Variants in SYT1 observed in about 807,000 individuals in gnomAD.
SYT1 encodes the protein synaptotagmin-1.
SYT1 carries 8 observed loss-of-function variants against 44.8 expected under a neutral mutation model. That is an observed-to-expected ratio of 0.18 (90% CI 0.10 to 0.32). SYT1 has a LOEUF of 0.32. Ranked by LOEUF, SYT1 falls within the 10% of genes least tolerant of loss-of-function variation. The pLI is 1.00. For synonymous variants in SYT1, 154 were observed against 188.8 expected, an observed-to-expected ratio of 0.82 and a Z score of 1.51; for missense variants, 286 against 509.3, an observed-to-expected ratio of 0.56 and a Z score of 4.22.
intron 1 of SYT1, among the ~76,000 whole-genome samples, chr12:78,876,780 T>TTATATGTATTA (rs1565697556): frequency 6.3e-5 from 3 of 47,532 alleles, no homozygotes; most frequent in African/African-American, 2.5e-4. Context: ...TATTTATATA[T>TTATATGTATTA]TATATAATAC....
At chr12:79,217,815 T>C (rs1874908336) in intron 4 of SYT1, 130 bp downstream of exon 4, 6 of 603,498 alleles carry the variant, frequency 9.9e-6, no homozygotes, top group Non-Finnish European at 1.5e-5. Context: ...GGAATGATAG[T>C]ATCCCAATAT....
In SYT1 at chr12:79,205,528, AT is replaced by A. The variant is rs1874071384; in HGVS notation, c.-17-11973del. 3.3e-5 allele frequency among the ~76,000 whole-genome samples: 5 copies of A among 152,336 alleles called. No homozygotes were observed. The South Asian group carries it at 1.0e-3, about 32-fold the overall frequency. ...AAAACAATGTTAAACTTGTGAATTC[AT>A]TAATGAATACGTTTTTAGTTACAAT... On this transcript the variant is annotated intron_variant, in intron 3 of 10. Coordinates refer to ENST00000261205, the MANE Select transcript of SYT1 (RefSeq NM_005639.3).
chr12:79,125,036 GT>G (rs1291423481), intron 3 of SYT1, among the ~76,000 whole-genome samples: 1 of 151,998 alleles, frequency 6.6e-6, no homozygotes, highest in Non-Finnish European at 1.5e-5. Context: ...GTTTGGTTTG[GT>G]TTGGTTTGAT....
In SYT1 at chr12:79,223,718, G is replaced by A. The variant is rs936760550; in HGVS notation, c.166+6033G>A. ...CCAGTGGCGATACATACCAGAGATC[G>A]AGTTTGCCATACGAGCCTGAAGCCT... On this transcript the variant is annotated intron_variant, in intron 4 of 10. Coordinates refer to ENST00000261205, the MANE Select transcript of SYT1 (RefSeq NM_005639.3). Among the ~76,000 whole-genome samples, 5 of 152,258 alleles carry A rather than the reference G, an allele frequency of 3.3e-5. No individual in the cohort carries two copies. The South Asian group carries it at 6.2e-4, about 19-fold the overall frequency.
In SYT1 at chr12:79,262,498, T is replaced by C. The variant is rs1877888316; in HGVS notation, c.167-23289T>C. Among the ~76,000 whole-genome samples, 4 of 152,328 alleles carry C rather than the reference T, an allele frequency of 2.6e-5. No homozygotes were observed. In the South Asian group the frequency reaches 8.3e-4, roughly 32 times the overall value. ...CCCCTTGTCCAACTCTATAAATTAC[T>C]AGAAGTTTCTGGAAGTGTGTACATC... is the stretch of plus-strand genomic sequence containing the variant. On this transcript the variant is annotated intron_variant, in intron 4 of 10. Transcript: ENST00000261205.
intron 2 of SYT1, among the ~76,000 whole-genome samples, chr12:78,989,861 A>C (rs1185123542): frequency 6.6e-6 from 1 of 152,102 alleles, no homozygotes; most frequent in Non-Finnish European, 1.5e-5. Context: ...GATTTTATTT[A>C]AAATCAGGAC....
intron 3 of SYT1, among the ~76,000 whole-genome samples, chr12:79,095,321 C>A (rs1878052843): frequency 6.6e-6 from 1 of 151,610 alleles, no homozygotes; most frequent in Non-Finnish European, 1.5e-5. Context: ...ACTTTGGAGC[C>A]CAGAGATCCA....
chr12:79,445,990 CATAT>C (rs59721146), intron 10 of SYT1, among the ~76,000 whole-genome samples: 3,051 of 43,896 alleles, frequency 0.07, 71 homozygotes, highest in Middle Eastern at 0.11. Flanking sequence ...AATCCAAAGA[CATAT>C]ATATATATAT....
At chr12:79,124,042 C>T (rs1333434292) in intron 3 of SYT1, among the ~76,000 whole-genome samples, 1 of 152,188 alleles carries the variant, frequency 6.6e-6, no homozygotes, top group Non-Finnish European at 1.5e-5. Context: ...CTGCATCTAA[C>T]TATTCAATGT....
chr12:78,964,652 T>C (rs529159217), intron 1 of SYT1, among the ~76,000 whole-genome samples: 2 of 152,308 alleles, frequency 1.3e-5, no homozygotes, highest in South Asian at 2.1e-4. Context: ...CATACAAAGA[T>C]ACTAAAGTTT....
At chr12:79,179,221 T>C (rs62647615) in intron 3 of SYT1, among the ~76,000 whole-genome samples, 9 of 10,526 alleles carry the variant, frequency 8.6e-4, no homozygotes, top group Non-Finnish European at 1.5e-3. Flanking sequence ...TATAGATATA[T>C]AGATATAGAT....
intron 2 of SYT1, among the ~76,000 whole-genome samples, chr12:79,001,693 C>T (rs1298997217): frequency 6.6e-6 from 1 of 152,124 alleles, no homozygotes; most frequent in Non-Finnish European, 1.5e-5. Flanking sequence ...TTCTTAGTGT[C>T]AGTGATGCAT....
intron 2 of SYT1, among the ~76,000 whole-genome samples, chr12:78,983,838 A>G (rs993855394): frequency 3.3e-5 from 5 of 152,046 alleles, no homozygotes; most frequent in African/African-American, 1.2e-4. Flanking sequence ...AGGCAGTGTA[A>G]AGTTTCTATA....
intron 3 of SYT1, among the ~76,000 whole-genome samples, chr12:79,137,647 C>T (rs1464896535): frequency 9.9e-5 from 15 of 152,098 alleles, no homozygotes. Context: ...AAAAATTAAA[C>T]TATAAGTATA....
intron 8 of SYT1, among the ~76,000 whole-genome samples, chr12:79,328,803 G>A (rs1047237679): frequency 3.4e-5 from 5 of 148,776 alleles, no homozygotes; most frequent in Admixed American, 6.8e-5. Context: ...CCAAGATCAC[G>A]CCATAGCACT....
intron 10 of SYT1, among the ~76,000 whole-genome samples, chr12:79,444,548 A>C (rs1870601488): frequency 6.6e-6 from 1 of 152,212 alleles, no homozygotes; most frequent in African/African-American, 2.4e-5. Flanking sequence ...CCCAGGCCAT[A>C]AATAAGTCTC....
chr12:79,319,813 C>T (rs1421556719), intron 8 of SYT1, among the ~76,000 whole-genome samples: 1 of 152,214 alleles, frequency 6.6e-6, no homozygotes, highest in East Asian at 1.9e-4. Context: ...TTCCATTCCA[C>T]AATAGTGCAA....
At chr12:79,310,494 A>G (rs1159662500) in intron 8 of SYT1, among the ~76,000 whole-genome samples, 6 of 152,050 alleles carry the variant, frequency 3.9e-5, no homozygotes, top group Non-Finnish European at 5.9e-5. Context: ...TGACTTGGCA[A>G]TGCAGGCTCT....
chr12:79,437,442 G>C (rs1386554203), intron 9 of SYT1, among the ~76,000 whole-genome samples: 1 of 152,122 alleles, frequency 6.6e-6, no homozygotes, highest in Non-Finnish European at 1.5e-5. Flanking sequence ...AGGTCTACGA[G>C]GTTGGAATCA....
Sources: gnomAD v4.1 joint callset for allele counts (sites outside exome capture counted in the v4.1 genomes callset) on GRCh38, gnomAD v4.1.1 for gene constraint, MANE v1.5 for transcripts, NCBI Gene and HGNC (gene_info 2026-07-23, HGNC 2026-07-21) for gene names.